CDK13: variants seen among roughly 807,000 people sequenced by gnomAD.
CDK13 encodes the protein cyclin dependent kinase 13.
Under a neutral mutation model 137.6 loss-of-function variants are expected in CDK13, and 40 were observed. The ratio of observed to expected loss-of-function variants is 0.29; its 90% CI spans 0.23 to 0.38. The LOEUF is 0.38. CDK13 is among the 10% of genes least tolerant of loss of function. The pLI is 1.00. For synonymous variants in CDK13, 869 were observed against 760.1 expected (o/e 1.14, Z -2.36); for missense variants, 1,704 against 1,951.8 (o/e 0.87, Z 2.39).
At chr7:39,957,924 C>A (rs915752073) in intron 1 of CDK13, among the ~76,000 whole-genome samples, 1 of 151,822 alleles carries the variant, frequency 6.6e-6, no homozygotes, top group Admixed American at 6.6e-5. Flanking sequence ...GTGTGAATAT[C>A]ATTTTGTTGT....
At chr7:40,072,746 A>G (rs1005080350) in intron 9 of CDK13, 18 of 152,232 alleles carry the variant, frequency 1.2e-4, no homozygotes, top group African/African-American at 4.3e-4. Flanking sequence ...TAACTTAACA[A>G]GTGGAAAATA....
intron 10 of CDK13, 66 bp from the exon 11 acceptor site, chr7:40,078,654 G>A (rs898887100): frequency 6.9e-5 from 66 of 950,648 alleles, no homozygotes; most frequent in Non-Finnish European, 9.4e-5. Context: ...AATAATTTAA[G>A]CTCCTAAAGA....
chr7:39,992,999 A>G (rs540713644), intron 2 of CDK13, among the ~76,000 whole-genome samples: 1 of 152,306 alleles, frequency 6.6e-6, no homozygotes, highest in African/African-American at 2.4e-5. Flanking sequence ...GTCTCTCCAT[A>G]TATGAGGGTG....
chr7:39,993,072 C>T (rs1784497148), intron 2 of CDK13, among the ~76,000 whole-genome samples: 1 of 152,136 alleles, frequency 6.6e-6, no homozygotes, highest in Non-Finnish European at 1.5e-5. Context: ...GATTGAATAT[C>T]CTTTTTCCCA....
rs2150548473 is a variant in CDK13 at position 40,094,400 on chromosome 7, G to A, written c.3959G>A (p.Gly1320Glu). Residue 1320 changes from glycine to glutamate, a missense_variant, in exon 14 of 14, where the codon GGG becomes GAG. This residue lies in a region of CDK13 where 475 missense variants were observed against 579.3 expected (regional missense o/e 0.82). Coordinates refer to ENST00000181839, the MANE Select transcript of CDK13 (RefSeq NM_003718.5). ...CAGGATGACCCCAAAAGAGAAGGTG[G>A]GATTGATTATCAAGCAGGAGACACT... ...QPQDDPKREG[G>E]IDYQAGDTYV... 6.2e-7 allele frequency: 1 copy of A among 1,613,974 alleles called. No homozygotes were observed. Among genetic ancestry groups the A allele is most frequent in the Non-Finnish European group, 8.5e-7 (1 of 1,180,010 alleles).
chr7:40,048,441 G>A (rs1190832620), intron 7 of CDK13: 1 of 151,924 alleles, frequency 6.6e-6, no homozygotes, highest in East Asian at 1.9e-4. Flanking sequence ...AAACTAATAT[G>A]GGATTTCAAA....
chr7:39,994,009 T>C (rs556549089), intron 2 of CDK13, among the ~76,000 whole-genome samples: 2 of 152,212 alleles, frequency 1.3e-5, no homozygotes, highest in East Asian at 3.9e-4. Flanking sequence ...CTTGAATGTT[T>C]ATTGGTTGTT....
chr7:39,979,489 T>G (rs1784179982), intron 1 of CDK13, among the ~76,000 whole-genome samples: 1 of 152,152 alleles, frequency 6.6e-6, no homozygotes. Flanking sequence ...GTGCTGTGAT[T>G]ACAGGTCTGA....
chr7:40,032,632 G>A (rs1230569274), intron 5 of CDK13, among the ~76,000 whole-genome samples: 1 of 152,104 alleles, frequency 6.6e-6, no homozygotes, highest in African/African-American at 2.4e-5. Context: ...AGCAGCAGTT[G>A]CTGAAAAGAC....
chr7:39,950,681 G>C lies in CDK13; in HGVS notation c.40G>C (p.Gly14Arg). 1 of 1,412,768 alleles carries C rather than the reference G, an allele frequency of 7.1e-7. No homozygotes were observed. The highest frequency in any genetic ancestry group is 9.2e-7 in the Non-Finnish European group (1 of 1,088,520). The allele number at this position is 1,412,768 out of a possible 1,614,324, so 87.5% of individuals were successfully genotyped here. ...GGACACGGCGCTGGGGGGAGGCGGG[G>C]GCCTGAGCTGGGCGGAGAAGAAGTT... ...SSDTALGGGGGLSWAEKKLEE... is the reference protein window; with the variant it reads ...SSDTALGGGGRLSWAEKKLEE... Residue 14 changes from glycine (G) to arginine (R), a missense_variant, in exon 1 of 14, where the codon GGC becomes CGC. By Grantham distance (125) the Gly-to-Arg change is moderately radical (BLOSUM62 -2). Coordinates refer to ENST00000181839, the MANE Select transcript of CDK13 (RefSeq NM_003718.5).
chr7:40,013,734 A>G (rs1287765712), intron 5 of CDK13, among the ~76,000 whole-genome samples: 2 of 152,194 alleles, frequency 1.3e-5, no homozygotes, highest in African/African-American at 2.4e-5. Context: ...CCAATTGAAC[A>G]CTTTAAGTGG....
chr7:40,090,965 C>G (rs1485666954), intron 12 of CDK13, among the ~76,000 whole-genome samples: 5 of 152,074 alleles, frequency 3.3e-5, no homozygotes, highest in Non-Finnish European at 4.4e-5. Flanking sequence ...AATCCCAGCA[C>G]TTTGGGAGGC....
In CDK13 at chr7:40,092,888, G is replaced by C. The variant is rs759841012; in HGVS notation, c.3339G>C (p.Val1113=). 4.3e-6 allele frequency: 7 copies of C among 1,614,008 alleles called. No homozygotes were observed. In the African/African-American group the frequency reaches 9.3e-5, roughly 22 times the overall value. ...TSVNMADFVQ[V]LNIKVNSETQ... ...TTAATATGGCTGATTTTGTCCAAGT[G>C]TTGAACATTAAGGTAAACTCTGAGA... The change falls in exon 13 of 14, where the codon GTG becomes GTC. Residue 1113 remains valine (V), a synonymous_variant. Coordinates refer to ENST00000181839, the MANE Select transcript of CDK13 (RefSeq NM_003718.5).
intron 5 of CDK13, among the ~76,000 whole-genome samples, chr7:40,003,163 C>T (rs1222777396): frequency 1.2e-5 from 1 of 81,620 alleles, no homozygotes; most frequent in Non-Finnish European, 2.5e-5. Context: ...TACACACACA[C>T]ACACACACAC....
In CDK13 at chr7:40,062,516, G is replaced by A. The variant is rs553199530; in HGVS notation, c.2601-310G>A. 1.6e-4 allele frequency: 38 copies of A among 238,164 alleles called. No individual in the cohort carries two copies. The South Asian group carries it at 1.9e-3, about 12-fold the overall frequency. The allele number at this position is 238,164 out of a possible 1,614,324, so 14.8% of individuals were successfully genotyped here. ...AGGATGGTCTCGATCTCCTGACCTCGTGATCTGCCAGCCTCGGCCTCCCAG... is the reference window on the plus strand; with the variant it reads ...AGGATGGTCTCGATCTCCTGACCTCATGATCTGCCAGCCTCGGCCTCCCAG... On this transcript the variant is annotated intron_variant, in intron 7 of 13. Transcript: ENST00000181839.
intron 11 of CDK13, among the ~76,000 whole-genome samples, chr7:40,084,517 G>A (rs974245052): frequency 4.6e-5 from 7 of 152,114 alleles, no homozygotes; most frequent in Admixed American, 3.3e-4. Context: ...TCCATTAATT[G>A]TATTAGATGC....
intron 2 of CDK13, among the ~76,000 whole-genome samples, chr7:39,995,206 CATT>C (rs765623851): frequency 1.3e-5 from 2 of 151,946 alleles, no homozygotes; most frequent in Non-Finnish European, 2.9e-5. Flanking sequence ...AATTATGTAA[CATT>C]GTTCTTGGAA....
intron 1 of CDK13, among the ~76,000 whole-genome samples, chr7:39,971,141 T>C (rs1300128201): frequency 6.6e-6 from 1 of 152,388 alleles, no homozygotes; most frequent in East Asian, 1.9e-4. Flanking sequence ...TTTTTAAATA[T>C]TTGTGGTTCT....
At chr7:39,996,679 G>A (rs1784566194) in intron 2 of CDK13, among the ~76,000 whole-genome samples, 1 of 152,076 alleles carries the variant, frequency 6.6e-6, no homozygotes, top group African/African-American at 2.4e-5. Flanking sequence ...AATGTTTTGT[G>A]TCTCTACCAG....
Sources: gnomAD v4.1 joint callset for allele counts (sites outside exome capture counted in the v4.1 genomes callset) on GRCh38, gnomAD v4.1.1 for gene constraint, gnomAD v4.1.1 regional missense constraint, MANE v1.5 for transcripts, NCBI Gene and HGNC (gene_info 2026-07-23, HGNC 2026-07-21) for gene names.